Variants in HS3ST5 observed in about 807,000 individuals in gnomAD.
HS3ST5 encodes the protein heparan sulfate glucosamine 3-O-sulfotransferase 5.
Under a neutral mutation model 25.4 loss-of-function variants are expected in HS3ST5, and 10 were observed. The observed-to-expected ratio is 0.39, with a 90% confidence interval of 0.24 to 0.67. The LOEUF is 0.67. HS3ST5 is among the 30% of genes least tolerant of loss of function. The pLI is 0.44. For missense variants in HS3ST5, 324 were observed against 420.7 expected (o/e 0.77, Z 2.01); for synonymous variants, 170 against 162.4 (o/e 1.05, Z -0.36).
At chr6:114,104,626 A>G (rs1775902824) in intron 3 of HS3ST5, among the ~76,000 whole-genome samples, 1 of 152,192 alleles carries the variant, frequency 6.6e-6, no homozygotes, top group South Asian at 2.1e-4. Flanking sequence ...ATGCAGGTGC[A>G]AGCCTTGAGA....
chr6:114,094,693 C>G (rs540836801), intron 3 of HS3ST5, among the ~76,000 whole-genome samples: 1 of 152,222 alleles, frequency 6.6e-6, no homozygotes, highest in Admixed American at 6.5e-5. Context: ...TAAAAGTACT[C>G]CTATGATAGA....
At chr6:114,256,899 A>C (rs1447464676) in intron 1 of HS3ST5, among the ~76,000 whole-genome samples, 1 of 152,232 alleles carries the variant, frequency 6.6e-6, no homozygotes, top group African/African-American at 2.4e-5. Flanking sequence ...AAATTATTAA[A>C]GAAAAAAAAG....
At chr6:114,157,473 A>G (rs1778752555) in intron 3 of HS3ST5, among the ~76,000 whole-genome samples, 1 of 152,190 alleles carries the variant, frequency 6.6e-6, no homozygotes, top group African/African-American at 2.4e-5. Context: ...ACAAAGTTTC[A>G]GTTAGATAGG....
rs571917859 is a variant in HS3ST5 at position 114,273,156 on chromosome 6, A to T, written c.-338-44378T>A. On this transcript the variant is annotated intron_variant, in intron 1 of 4. Transcript: ENST00000312719. ...GCCATTGAGAGATTATTGTGGCAAA[A>T]GAAAGAGTGATAATGGTGGAGAAGG... Among the ~76,000 whole-genome samples, 5 of 152,220 alleles carry T rather than the reference A, an allele frequency of 3.3e-5. No individual in the cohort carries two copies. The East Asian group carries it at 7.8e-4, about 24-fold the overall frequency.
chr6:114,197,303 A>G (rs1157515320), intron 2 of HS3ST5, among the ~76,000 whole-genome samples: 3 of 152,076 alleles, frequency 2.0e-5, no homozygotes, highest in African/African-American at 7.2e-5. Flanking sequence ...TACAAATTTA[A>G]TAACTGCACC....
At chr6:114,231,577 C>T (rs1028234808) in intron 1 of HS3ST5, 1 of 152,066 alleles carries the variant, frequency 6.6e-6, no homozygotes. Flanking sequence ...TCCAGATTTC[C>T]TATCCCTTTC....
At chr6:114,334,925 T>C (rs1036111864) in intron 1 of HS3ST5, among the ~76,000 whole-genome samples, 4 of 152,242 alleles carry the variant, frequency 2.6e-5, no homozygotes, top group African/African-American at 7.2e-5. Flanking sequence ...CATATACATA[T>C]GAAAAGTATG....
At chr6:114,161,670 A>T (rs1778981226) in intron 3 of HS3ST5, among the ~76,000 whole-genome samples, 1 of 148,228 alleles carries the variant, frequency 6.7e-6, no homozygotes, top group Non-Finnish European at 1.5e-5. Flanking sequence ...ATCAAAAATG[A>T]TATTACTTGT....
At chr6:114,323,160 A>G (rs1776035805) in intron 1 of HS3ST5, among the ~76,000 whole-genome samples, 1 of 152,184 alleles carries the variant, frequency 6.6e-6, no homozygotes, top group South Asian at 2.1e-4. Context: ...GCCTATTGCC[A>G]ACTAACAAAT....
intron 3 of HS3ST5, among the ~76,000 whole-genome samples, chr6:114,103,703 C>CTTTTTTTTTTTTTTTTTTT: frequency 7.8e-6 from 1 of 128,776 alleles, no homozygotes; most frequent in Non-Finnish European, 1.7e-5. Flanking sequence ...TTTTCTTCTT[C>CTTTTTTTTTTTTTTTTTTT]TTTTTTTTTT....
intron 3 of HS3ST5, among the ~76,000 whole-genome samples, chr6:114,156,517 G>A (rs1424663793): frequency 2.0e-5 from 3 of 152,168 alleles, no homozygotes; most frequent in African/African-American, 7.2e-5. Flanking sequence ...TATGTAGTGT[G>A]CTATTGAAGA....
chr6:114,300,167 A>G (rs1174256550), intron 1 of HS3ST5, among the ~76,000 whole-genome samples: 2 of 152,168 alleles, frequency 1.3e-5, no homozygotes, highest in African/African-American at 4.8e-5. Context: ...ATTTCATCAA[A>G]ATTAAAACTA....
chr6:114,075,067 C>T (rs1774036383), intron 3 of HS3ST5, among the ~76,000 whole-genome samples: 1 of 152,230 alleles, frequency 6.6e-6, no homozygotes, highest in Non-Finnish European at 1.5e-5. Context: ...GAGGACCTGC[C>T]ATGCATCAGG....
intron 3 of HS3ST5, among the ~76,000 whole-genome samples, chr6:114,065,326 C>G (rs896981573): frequency 6.6e-6 from 1 of 152,362 alleles, no homozygotes; most frequent in Middle Eastern, 3.4e-3. Flanking sequence ...GAACCAATCT[C>G]CTGTCTACAG....
chr6:114,207,112 A>G (rs1781305699), intron 2 of HS3ST5, among the ~76,000 whole-genome samples: 1 of 152,146 alleles, frequency 6.6e-6, no homozygotes, highest in Non-Finnish European at 1.5e-5. Context: ...TTCCTCCTAC[A>G]TGGTAGCCAG....
At chr6:114,238,061 A>G (rs1353036241) in intron 1 of HS3ST5, among the ~76,000 whole-genome samples, 1 of 152,254 alleles carries the variant, frequency 6.6e-6, no homozygotes, top group Admixed American at 6.5e-5. Flanking sequence ...AAAGATAATC[A>G]TGATAGTGGG....
chr6:114,093,165 C>T (rs772999237), intron 3 of HS3ST5, among the ~76,000 whole-genome samples: 5 of 151,908 alleles, frequency 3.3e-5, no homozygotes, highest in Non-Finnish European at 5.9e-5. Flanking sequence ...CTTCAAAGAC[C>T]GTAATCCTCC....
intron 1 of HS3ST5, among the ~76,000 whole-genome samples, chr6:114,247,850 AACAG>A (rs1248181591): frequency 6.6e-6 from 1 of 151,586 alleles, no homozygotes; most frequent in Non-Finnish European, 1.5e-5. Flanking sequence ...TTTTTAAGTC[AACAG>A]AAAATTATTT....
At chr6:114,292,949 C>T (rs574040863) in intron 1 of HS3ST5, among the ~76,000 whole-genome samples, 155 of 143,396 alleles carry the variant, frequency 1.1e-3, no homozygotes, top group African/African-American at 3.8e-3. Flanking sequence ...TTTTTTTTTT[C>T]CCAAATATTT....
Sources: gnomAD v4.1 joint callset for allele counts (sites outside exome capture counted in the v4.1 genomes callset) on GRCh38, gnomAD v4.1.1 for gene constraint, MANE v1.5 for transcripts, NCBI Gene and HGNC (gene_info 2026-07-23, HGNC 2026-07-21) for gene names.